KCNK3: variants seen among roughly 807,000 people sequenced by gnomAD.
KCNK3 encodes the protein potassium channel subfamily K member 3.
In KCNK3, 9 loss-of-function variants were observed where a neutral mutation model predicts 27.3. That is an observed-to-expected ratio of 0.33 (90% confidence interval 0.20 to 0.57). The LOEUF (loss-of-function observed/expected upper bound fraction) is 0.57, where lower values mean the gene tolerates loss of function less well. Among genes scored for constraint, KCNK3 ranks in the 20% least tolerant of loss-of-function variants. KCNK3 has a pLI of 0.87. For synonymous variants in KCNK3, 278 were observed against 273.8 expected, an observed-to-expected ratio of 1.02 and a Z score of -0.15; for missense variants, 391 against 577.7, an observed-to-expected ratio of 0.68 and a Z score of 3.31.
At chr2:26,711,368 C>G (rs1219543502) in intron 1 of KCNK3, among the ~76,000 whole-genome samples, 1 of 152,178 alleles carries the variant, frequency 6.6e-6, no homozygotes, top group Non-Finnish European at 1.5e-5. Flanking sequence ...AAACATGCTG[C>G]CCCGCACTCT....
chr2:26,717,605 A>G (rs1663254950), intron 1 of KCNK3, among the ~76,000 whole-genome samples: 1 of 152,258 alleles, frequency 6.6e-6, no homozygotes, highest in South Asian at 2.1e-4. Context: ...CACCAGATCC[A>G]ATCTGTTAGA....
At chr2:26,702,864 C>G (rs1463724472) in intron 1 of KCNK3, among the ~76,000 whole-genome samples, 1 of 152,088 alleles carries the variant, frequency 6.6e-6, no homozygotes, top group Non-Finnish European at 1.5e-5. Flanking sequence ...GTCTGTAGTC[C>G]CAGCATTTTG....
At chr2:26,713,897 G>A (rs1663176157) in intron 1 of KCNK3, among the ~76,000 whole-genome samples, 1 of 151,766 alleles carries the variant, frequency 6.6e-6, no homozygotes, top group Non-Finnish European at 1.5e-5. Flanking sequence ...CCCACGTGGT[G>A]AAACCCTGTC....
chr2:26,714,834 C>T (rs898994932), intron 1 of KCNK3, among the ~76,000 whole-genome samples: 2 of 151,810 alleles, frequency 1.3e-5, no homozygotes, highest in South Asian at 2.1e-4. Context: ...TGCAGTGAGC[C>T]GAGATCATGC....
At chr2:26,699,209 G>A (rs1486866500) in intron 1 of KCNK3, among the ~76,000 whole-genome samples, 1 of 101,156 alleles carries the variant, frequency 9.9e-6, no homozygotes, top group Non-Finnish European at 2.1e-5. Context: ...GAAAGAGAGA[G>A]AAAGAAAGAA....
chr2:26,727,333 G>A (rs1475098827), intron 1 of KCNK3, among the ~76,000 whole-genome samples: 4 of 152,146 alleles, frequency 2.6e-5, no homozygotes, highest in African/African-American at 9.7e-5. Flanking sequence ...CAGCACCCAG[G>A]CCACCCCTTC....
chr2:26,718,967 A>G (rs1663280396), intron 1 of KCNK3, among the ~76,000 whole-genome samples: 2 of 151,980 alleles, frequency 1.3e-5, no homozygotes, highest in Non-Finnish European at 1.5e-5. Context: ...GTTGTCTCCT[A>G]CTCTTTTAAT....
chr2:26,710,847 G>A (rs112226854), intron 1 of KCNK3, among the ~76,000 whole-genome samples: 1 of 152,212 alleles, frequency 6.6e-6, no homozygotes, highest in Non-Finnish European at 1.5e-5. Context: ...TCTCCCGAAA[G>A]CCTGACAGGG....
intron 1 of KCNK3, among the ~76,000 whole-genome samples, chr2:26,705,873 G>T (rs911611525): frequency 3.3e-5 from 5 of 152,124 alleles, no homozygotes; most frequent in Admixed American, 1.3e-4. Flanking sequence ...ATGGAGGTAG[G>T]GGGGTGGGGG....
intron 1 of KCNK3, among the ~76,000 whole-genome samples, chr2:26,701,333 G>C (rs1346111312): frequency 6.6e-6 from 1 of 152,204 alleles, no homozygotes; most frequent in Non-Finnish European, 1.5e-5. Context: ...AGCCTGGGTG[G>C]AGCCGGGTGC....
Position 26,692,974 on chromosome 2 carries a change from C to T in KCNK3, c.99C>T (p.Pro33=). ...AAVFDALESE[P]ELIERQRLEL... is the part of the protein sequence containing the mutation. ...TCTTCGACGCGCTGGAGTCGGAGCC[C>T]GAGCTGATCGAGCGGCAGCGGCTGG... Residue 33 remains proline (P), a synonymous_variant, in exon 1 of 2, where the codon CCC becomes CCT. Coordinates refer to ENST00000302909, the MANE Select transcript of KCNK3 (RefSeq NM_002246.3). This position sits in a 1 kb window ranked among gnomAD's most constrained non-coding sequence, Gnocchi z 5.6. The T allele has an allele frequency of 6.4e-7, 1 of 1,569,814 alleles. No individual in the cohort carries two copies. The highest frequency in any genetic ancestry group is 1.2e-5 in the South Asian group (1 of 86,754).
chr2:26,700,763 TCAC>T (rs1670297984), intron 1 of KCNK3, among the ~76,000 whole-genome samples: 1 of 152,114 alleles, frequency 6.6e-6, no homozygotes, highest in Admixed American at 6.6e-5. Context: ...ATCATCATCA[TCAC>T]CATCATCATC....
intron 1 of KCNK3, among the ~76,000 whole-genome samples, chr2:26,722,301 G>A (rs2148267914): frequency 6.6e-6 from 1 of 152,316 alleles, no homozygotes; most frequent in Middle Eastern, 3.4e-3. Flanking sequence ...AATAACTTGA[G>A]TAAACACTGA....
At chr2:26,706,763 T>A (rs953297892) in intron 1 of KCNK3, among the ~76,000 whole-genome samples, 2 of 152,134 alleles carry the variant, frequency 1.3e-5, no homozygotes, top group African/African-American at 4.8e-5. Context: ...GGTGGGCCAG[T>A]GAACTCGTAG....
At chr2:26,696,190 A>C (rs375408188) in intron 1 of KCNK3, among the ~76,000 whole-genome samples, 26 of 152,352 alleles carry the variant, frequency 1.7e-4, no homozygotes, top group Non-Finnish European at 3.1e-4. Flanking sequence ...ATCACAATGC[A>C]CTTGCATCTC....
chr2:26,727,082 G>A (rs1663433623), intron 1 of KCNK3, among the ~76,000 whole-genome samples: 1 of 152,188 alleles, frequency 6.6e-6, no homozygotes, highest in Non-Finnish European at 1.5e-5. Context: ...CCCCACATAA[G>A]CTTTGGCTGG....
At chr2:26,706,891 C>G (rs796450313) in intron 1 of KCNK3, among the ~76,000 whole-genome samples, 1 of 152,180 alleles carries the variant, frequency 6.6e-6, no homozygotes, top group South Asian at 2.1e-4. Flanking sequence ...TGGGGCGAGT[C>G]ATACCTGCCC....
At chr2:26,713,549 G>A (rs1663163606) in intron 1 of KCNK3, among the ~76,000 whole-genome samples, 1 of 151,994 alleles carries the variant, frequency 6.6e-6, no homozygotes, top group Non-Finnish European at 1.5e-5. Flanking sequence ...GGAAGCCGAG[G>A]CGGGCGGATC....
In KCNK3 at chr2:26,725,225, C is replaced by T. The variant is rs1572614617; in HGVS notation, c.284-2442C>T. On this transcript the variant is annotated intron_variant, in intron 1 of 1. Transcript: ENST00000302909. ...GCCCATGCTCTCAGGTCACCCTTCC[C>T]CTGTGAGATCCCACGACCACTGCTT... Among the ~76,000 whole-genome samples, 3 of 152,166 alleles carry T rather than the reference C, an allele frequency of 2.0e-5. No homozygotes were observed. The South Asian group carries it at 6.2e-4, about 32-fold the overall frequency.
Sources: allele counts gnomAD v4.1 joint callset (sites outside exome capture counted in the v4.1 genomes callset), GRCh38; gene constraint gnomAD v4.1.1; non-coding constraint Gnocchi (gnomAD v3.1); transcripts MANE v1.5; gene names NCBI Gene and HGNC (gene_info 2026-07-23, HGNC 2026-07-21).